LRP1: variants seen among roughly 807,000 people sequenced by gnomAD.
LRP1 encodes the protein prolow-density lipoprotein receptor-related protein 1.
Under a neutral mutation model 541.5 loss-of-function variants are expected in LRP1, and 51 were observed. The ratio of observed to expected loss-of-function variants is 0.09; its 90% CI spans 0.08 to 0.12. The LOEUF (loss-of-function observed/expected upper bound fraction) is 0.12, where lower values mean the gene tolerates loss of function less well. Ranked by LOEUF, LRP1 falls within the 10% of genes least tolerant of loss-of-function variation. The probability of loss-of-function intolerance (pLI) is 1.00; values close to 1 mark genes in which losing one functional copy is unlikely to be tolerated. For missense variants in LRP1, 3,878 were observed against 6,376.2 expected (o/e 0.61, Z 13.34); for synonymous variants, 2,219 against 2,470.8 (o/e 0.90, Z 3.02).
Position 57,197,266 on chromosome 12 carries a change from G to T in LRP1, c.9077-33G>T, listed in dbSNP as rs2036555995. 1.2e-6 allele frequency: 2 copies of T among 1,613,456 alleles called. No homozygotes were observed. The highest frequency in any genetic ancestry group is 2.2e-5 in the South Asian group (2 of 91,070). On this transcript the variant is annotated intron_variant, in intron 56 of 88. Transcript: ENST00000243077. The surrounding 1 kb of genome is among the most constrained non-coding windows in gnomAD (Gnocchi z 4.5). ...CAGGAGACCAGGGCCGCTAGAATGT[G>T]CCAGGAGCTGAGGCAAGATCCTCTG...
At position 57,197,088 on chromosome 12, in the gene LRP1, A is replaced by G. The variant is rs368737311; in HGVS notation, c.8999A>G (p.His3000Arg). Residue 3000 changes from histidine to arginine, a missense_variant, in exon 56 of 89, where the codon CAT (histidine) becomes CGT (arginine). His to Arg is a conservative substitution (Grantham distance 29). This residue lies in a region of LRP1 where 1,100 missense variants were observed against 1,827.4 expected (regional missense o/e 0.60). Transcript: ENST00000243077. This position sits in a 1 kb window ranked among gnomAD's most constrained non-coding sequence, Gnocchi z 4.5. ...FPCSQRCINT[H>R]GSYKCLCVEG... is the part of the protein sequence containing the mutation. ...TGCAGCCAGCGCTGCATCAACACTC[A>G]TGGCAGCTATAAGTGTCTGTGTGTG... 30 of 1,613,956 alleles carry G rather than the reference A, an allele frequency of 1.9e-5. No homozygotes were observed. Among genetic ancestry groups the G allele is most frequent in the African/African-American group, 4.0e-5 (3 of 74,926 alleles).
At position 57,212,622 on chromosome 12, in the gene LRP1, C is replaced by A. The variant is rs2036942613; in HGVS notation, c.*67C>A. 1.4e-6 allele frequency: 2 copies of A among 1,473,240 alleles called. No individual in the cohort carries two copies. The highest frequency in any genetic ancestry group is 9.1e-7 in the Non-Finnish European group (1 of 1,099,042). The allele number at this position is 1,473,240 out of a possible 1,614,324, so 91.3% of individuals were successfully genotyped here. On this transcript the variant is annotated 3_prime_UTR_variant, in exon 89 of 89. Coordinates refer to ENST00000243077, the MANE Select transcript of LRP1 (RefSeq NM_002332.3). This position sits in a 1 kb window ranked among gnomAD's most constrained non-coding sequence, Gnocchi z 5.0. The stretch of plus-strand genomic sequence containing the variant: ...CCTGCCAGTGAAGTCCTTCAGTGAG[C>A]CCCTCCCCAGCCAGCCCTTCCCTGG...
chr12:57,195,185 T>A, intron 51 of LRP1, 84 bp downstream of exon 51: 1 of 1,572,408 alleles, frequency 6.4e-7, no homozygotes, highest in Non-Finnish European at 8.6e-7. Flanking sequence ...CAGACACCCC[T>A]GCAGACGACG....
Position 57,175,659 on chromosome 12 carries a change from C to T in LRP1, c.3747C>T (p.Tyr1249=), listed in dbSNP as rs938371846. ...AGTTCAGCGTGAAGTGCTCCTGCTACGAGGGCTGGGTCCTGGAACCTGACG... is the reference window on the plus strand; with the variant it reads ...AGTTCAGCGTGAAGTGCTCCTGCTATGAGGGCTGGGTCCTGGAACCTGACG... ...QNKFSVKCSC[Y]EGWVLEPDGE... Residue 1249 remains tyrosine (Y), a synonymous_variant, in exon 23 of 89, where the codon TAC becomes TAT. Transcript: ENST00000243077. 4.4e-6 allele frequency: 7 copies of T among 1,596,158 alleles called. No individual in the cohort carries two copies. The East Asian group carries it at 6.7e-5, about 15-fold the overall frequency.
Position 57,162,049 on chromosome 12 carries a change from TATGA to T in LRP1, c.2203-261_2203-258del, listed in dbSNP as rs537293240. 1.5e-3 allele frequency among the ~76,000 whole-genome samples: 227 copies of T among 152,194 alleles called. No homozygotes were observed. The highest frequency in any genetic ancestry group is 5.4e-3 in the African/African-American group (224 of 41,504). ...TGTGTGCGTGTGTGTGTTTGGGGACTATGAATGAATAGGAATGAGCCCAGGAGAG... is the reference window on the plus strand; with the variant it reads ...TGTGTGCGTGTGTGTGTTTGGGGACTATGAATAGGAATGAGCCCAGGAGAG... On this transcript the variant is annotated intron_variant, in intron 13 of 88. Transcript: ENST00000243077. This position sits in a 1 kb window ranked among gnomAD's most constrained non-coding sequence, Gnocchi z 5.2.
chr12:57,173,102 A>G lies in LRP1; in HGVS notation c.3164-66A>G. The stretch of plus-strand genomic sequence containing the variant: ...GCTGGGCTTACCGGGGTGGCAGGGC[A>G]CAGGGATGAGGAGGGCTGACCTGGG... On this transcript the variant is annotated intron_variant, in intron 20 of 88. Coordinates refer to ENST00000243077, the MANE Select transcript of LRP1 (RefSeq NM_002332.3). This position sits in a 1 kb window ranked among gnomAD's most constrained non-coding sequence, Gnocchi z 4.7. 1 of 1,383,614 alleles carries G rather than the reference A, an allele frequency of 7.2e-7. No homozygotes were observed. Among genetic ancestry groups the G allele is most frequent in the Admixed American group, 2.0e-5 (1 of 50,218 alleles). 85.7% of individuals were successfully genotyped at this position (1,383,614 alleles called of 1,614,324 possible).
Position 57,158,330 on chromosome 12 carries a change from T to C in LRP1, c.1562-72T>C, listed in dbSNP as rs2035661418. 2 of 1,282,112 alleles carry C rather than the reference T, an allele frequency of 1.6e-6. No homozygotes were observed. Among genetic ancestry groups the C allele is most frequent in the Non-Finnish European group, 2.2e-6 (2 of 907,078 alleles). 79.4% of individuals were successfully genotyped at this position (1,282,112 alleles called of 1,614,324 possible). A position where few individuals can be genotyped will look rare whatever the true frequency, so the allele number is the denominator to read the frequency against. On this transcript the variant is annotated intron_variant, in intron 10 of 88. Transcript: ENST00000243077. The surrounding 1 kb of genome is among the most constrained non-coding windows in gnomAD (Gnocchi z 5.3). ...TCACAGCTAGGGCATTGCAGCCCCT[T>C]GGCCGCAGCCCCTGGGTGGGGATGA...
Position 57,199,327 on chromosome 12 carries a change from C to A in LRP1, c.9792C>A (p.Asn3264Lys). Residue 3264 changes from asparagine to lysine, a missense_variant, in exon 61 of 89, where the codon AAC becomes AAA. This residue lies in a region of LRP1 where 1,100 missense variants were observed against 1,827.4 expected (regional missense o/e 0.60). Coordinates refer to ENST00000243077, the MANE Select transcript of LRP1 (RefSeq NM_002332.3). ...GAGCCCACAAGACCACGGGCACCAA[C>A]AAAACGCTCCTCATCAGCACGCTGC... ...INRAHKTTGT[N>K]KTLLISTLHR... 1 of 1,613,530 alleles carries A rather than the reference C, an allele frequency of 6.2e-7. No individual in the cohort carries two copies. The highest frequency in any genetic ancestry group is 1.7e-4 in the Middle Eastern group (1 of 6,060).
At position 57,209,168 on chromosome 12, in the gene LRP1, G is replaced by A. The variant is rs146048368; in HGVS notation, c.12231G>A (p.Thr4077=). The A allele has an allele frequency of 2.5e-5, 41 of 1,613,866 alleles. No individual in the cohort carries two copies. Among genetic ancestry groups the A allele is most frequent in the Admixed American group, 1.2e-4 (7 of 60,006 alleles). The change falls in exon 79 of 89, where the codon ACG becomes ACA. Residue 4077 remains threonine (T), a synonymous_variant. Transcript: ENST00000243077. Reference sequence around the variant, plus strand: ...TCGGCAGCATCCGGCTCAATGGCACGGACCCCATTGTGGCTGCTGACAGCA... The same window carrying A: ...TCGGCAGCATCCGGCTCAATGGCACAGACCCCATTGTGGCTGCTGACAGCA... The part of the protein sequence containing the change: ...SVIGSIRLNG[T]DPIVAADSKR...
chr12:57,164,135 C>G (rs1221298618), intron 15 of LRP1, among the ~76,000 whole-genome samples: 12 of 152,210 alleles, frequency 7.9e-5, no homozygotes. Flanking sequence ...TGTGCCACTG[C>G]ACTCCAGCCT....
rs753143004 is a variant in LRP1 at position 57,201,948 on chromosome 12, G to A, written c.10594+43G>A. 1 of 1,609,708 alleles carries A rather than the reference G, an allele frequency of 6.2e-7. No individual in the cohort carries two copies. On this transcript the variant is annotated intron_variant, in intron 67 of 88. Coordinates refer to ENST00000243077, the MANE Select transcript of LRP1 (RefSeq NM_002332.3). This position sits in a 1 kb window ranked among gnomAD's most constrained non-coding sequence, Gnocchi z 6.4. ...TCCAGGAGGAAGACAGTCTACCTGG[G>A]TGGGAGGCATGGCACCCCTGGCAGG...
chr12:57,138,729 C>A, intron 2 of LRP1, 148 bp downstream of exon 2: 2 of 1,097,694 alleles, frequency 1.8e-6, no homozygotes, highest in Non-Finnish European at 2.6e-6. Flanking sequence ...TAAAACTGTC[C>A]TTTACACCCC....
At chr12:57,134,330 C>T (rs2035107015) in intron 1 of LRP1, among the ~76,000 whole-genome samples, 3 of 152,182 alleles carry the variant, frequency 2.0e-5, no homozygotes, top group African/African-American at 7.2e-5. Flanking sequence ...TCTCTGTCTC[C>T]CCTATGCCCT....
rs1191966117 is a variant in LRP1, at chr12:57,156,063, C to T, written c.1228-31C>T. ...ACAGAGGGAGGAACCCCTGTCATCT[C>T]ATGCTGTCCATTCTTGCCTGCCCGT... is the stretch of plus-strand genomic sequence containing the variant. On this transcript the variant is annotated intron_variant, in intron 8 of 88. Coordinates refer to ENST00000243077, the MANE Select transcript of LRP1 (RefSeq NM_002332.3). The surrounding 1 kb of genome is among the most constrained non-coding windows in gnomAD (Gnocchi z 5.2). The T allele has an allele frequency of 6.3e-7, 1 of 1,596,368 alleles. No homozygotes were observed. Among genetic ancestry groups the T allele is most frequent in the East Asian group, 2.2e-5 (1 of 44,734 alleles).
chr12:57,196,892 T>C (rs2036544743), intron 55 of LRP1, 90 bp from the exon 56 acceptor site: 2 of 1,158,558 alleles, frequency 1.7e-6, no homozygotes, highest in Non-Finnish European at 2.5e-6. Context: ...TGAGGCCGGG[T>C]AGAGGGAATT....
rs1441366594 is a variant in LRP1, at chr12:57,177,266, T to A, written c.4196+21T>A. On this transcript the variant is annotated intron_variant, in intron 25 of 88. Coordinates refer to ENST00000243077, the MANE Select transcript of LRP1 (RefSeq NM_002332.3). This position sits in a 1 kb window ranked among gnomAD's most constrained non-coding sequence, Gnocchi z 6.8. The stretch of plus-strand genomic sequence containing the variant: ...GATGGGTGAGGACCTTGCCCAGCCT[T>A]CTCCTGGCCCCATGGCCCCCCTGAA... 2 of 1,610,470 alleles carry A rather than the reference T, an allele frequency of 1.2e-6. No individual in the cohort carries two copies. The highest frequency in any genetic ancestry group is 1.7e-5 in the Admixed American group (1 of 59,914).
At position 57,211,440 on chromosome 12, in the gene LRP1, G is replaced by A. The variant is rs1250980917; in HGVS notation, c.13092-47G>A. On this transcript the variant is annotated intron_variant, in intron 84 of 88. Transcript: ENST00000243077. This position sits in a 1 kb window ranked among gnomAD's most constrained non-coding sequence, Gnocchi z 4.3. ...GCCCCTCCCTTCCTCAGCATCCCAGGCACGCCTCTGCCAGCCCCAGCCCCA... is the reference window on the plus strand; with the variant it reads ...GCCCCTCCCTTCCTCAGCATCCCAGACACGCCTCTGCCAGCCCCAGCCCCA... The A allele has an allele frequency of 6.2e-7, 1 of 1,609,520 alleles. No individual in the cohort carries two copies. Among genetic ancestry groups the A allele is most frequent in the South Asian group, 1.1e-5 (1 of 91,006 alleles).
At chr12:57,152,727 C>G (rs1404318517) in intron 6 of LRP1, among the ~76,000 whole-genome samples, 1 of 152,170 alleles carries the variant, frequency 6.6e-6, no homozygotes, top group African/African-American at 2.4e-5. Context: ...AATACCTCGT[C>G]TCTGTGGCCT....
chr12:57,182,237 G>T (rs1482822640), intron 34 of LRP1, among the ~76,000 whole-genome samples: 1 of 152,168 alleles, frequency 6.6e-6, no homozygotes, highest in Non-Finnish European at 1.5e-5. Flanking sequence ...TGGGCCAGGC[G>T]CAGTGGCTCA....
Sources: allele counts gnomAD v4.1 joint callset (sites outside exome capture counted in the v4.1 genomes callset), GRCh38; gene constraint gnomAD v4.1.1; regional missense constraint gnomAD v4.1.1; non-coding constraint Gnocchi (gnomAD v3.1); transcripts MANE v1.5; gene names NCBI Gene and HGNC (gene_info 2026-07-23, HGNC 2026-07-21).